Variants in APIP observed in about 807,000 individuals in gnomAD.
APIP encodes APAF1 interacting protein.
Under a neutral mutation model 32.0 loss-of-function variants are expected in APIP, and 32 were observed. That is an observed-to-expected ratio of 1.00 (90% CI 0.76 to 1.34). The LOEUF (loss-of-function observed/expected upper bound fraction) is 1.34. APIP is among the 40% of genes most tolerant of loss of function. APIP has a pLI of 0.00. For missense variants in APIP, 247 were observed against 298.6 expected (o/e 0.83, Z 1.27); for synonymous variants, 92 against 94.8 (o/e 0.97, Z 0.17).
chr11:34,897,113 T>G (rs2133913093), intron 1 of APIP, among the ~76,000 whole-genome samples: 1 of 152,358 alleles, frequency 6.6e-6, no homozygotes, highest in East Asian at 1.9e-4. Flanking sequence ...GCTGAATACT[T>G]GAAATTGTGG....
Position 34,906,986 on chromosome 11 carries a change from C to T in APIP, c.57+9242G>A, listed in dbSNP as rs145767921. 5.2e-3 allele frequency among the ~76,000 whole-genome samples: 793 copies of T among 152,282 alleles called. 6 individuals are homozygous for T. The highest frequency in any genetic ancestry group is 8.8e-3 in the Non-Finnish European group (600 of 68,012). ...TGCTGCAAACCGAACCACACGTGGA[C>T]GTGCCATTCTTCCGAGGACCCTTAG... On this transcript the variant is annotated intron_variant, in intron 1 of 6. Coordinates refer to ENST00000395787, the MANE Select transcript of APIP (RefSeq NM_015957.4).
intron 1 of APIP, among the ~76,000 whole-genome samples, chr11:34,898,838 G>A (rs1264713108): frequency 1.7e-5 from 2 of 116,192 alleles, no homozygotes; most frequent in East Asian, 3.1e-4. Flanking sequence ...TCGCTCTTTC[G>A]CCCAGGCTGG....
At chr11:34,890,612 A>C (rs1207691084) in intron 2 of APIP, 60 bp from the exon 3 acceptor site, 1 of 1,564,446 alleles carries the variant, frequency 6.4e-7, no homozygotes, top group Admixed American at 1.7e-5. Context: ...CACAAAGAAA[A>C]GTTTGCAGTC....
chr11:34,898,064 T>A (rs753043705), intron 1 of APIP, among the ~76,000 whole-genome samples: 5 of 152,144 alleles, frequency 3.3e-5, no homozygotes, highest in Non-Finnish European at 4.4e-5. Flanking sequence ...TTTATCTAAA[T>A]TGGTGCGAGA....
chr11:34,890,455 A>ATAAAAT (rs1267142151), intron 3 of APIP, 49 bp downstream of exon 3: 1 of 1,517,268 alleles, frequency 6.6e-7, no homozygotes, highest in Admixed American at 2.0e-5. Flanking sequence ...TTCATAAAAC[A>ATAAAAT]GTAATTAAGA....
chr11:34,883,605 T>G, intron 5 of APIP, 101 bp from the exon 6 acceptor site: 3 of 1,217,704 alleles, frequency 2.5e-6, no homozygotes, highest in Non-Finnish European at 3.4e-6. Context: ...ACATGCTGTT[T>G]GTGTCTGAAA....
At chr11:34,897,219 A>G (rs1390574311) in intron 1 of APIP, among the ~76,000 whole-genome samples, 1 of 152,214 alleles carries the variant, frequency 6.6e-6, no homozygotes, top group Non-Finnish European at 1.5e-5. Context: ...TAAAATTAAA[A>G]ACTTGAGAAT....
At position 34,882,681 on chromosome 11, in the gene APIP, G is replaced by A. The variant is rs530509160; in HGVS notation, c.*36C>T. 278 of 1,398,876 alleles carry A rather than the reference G, an allele frequency of 2.0e-4. 5 individuals carry two copies. The South Asian group carries it at 3.1e-3, about 16-fold the overall frequency. 86.7% of individuals were successfully genotyped at this position (1,398,876 alleles called of 1,614,324 possible). The stretch of plus-strand genomic sequence containing the variant: ...TTCATTTAAATAATAATTACGTTTA[G>A]CTTTATCTCTGTATATAATTAGACT... On this transcript the variant is annotated 3_prime_UTR_variant, in exon 7 of 7. Transcript: ENST00000395787.
chr11:34,883,227 A>G, intron 6 of APIP, 110 bp downstream of exon 6: 1 of 1,170,900 alleles, frequency 8.5e-7, no homozygotes, highest in Non-Finnish European at 1.2e-6. Context: ...AAAATAAAGT[A>G]TCTACAAATA....
chr11:34,894,174 A>G (rs1853227599), intron 2 of APIP, among the ~76,000 whole-genome samples: 1 of 152,176 alleles, frequency 6.6e-6, no homozygotes, highest in South Asian at 2.1e-4. Flanking sequence ...AATAAATACA[A>G]TGAGCAATTG....
intron 3 of APIP, among the ~76,000 whole-genome samples, chr11:34,889,966 A>C (rs1853158519): frequency 6.6e-6 from 1 of 150,648 alleles, no homozygotes; most frequent in African/African-American, 2.4e-5. Flanking sequence ...AAAAACTACA[A>C]TACAAATGTT....
intron 1 of APIP, among the ~76,000 whole-genome samples, chr11:34,902,436 T>G (rs1026192761): frequency 2.0e-5 from 3 of 152,152 alleles, no homozygotes; most frequent in African/African-American, 7.2e-5. Context: ...GATATAAGGT[T>G]TCAAAATCCA....
chr11:34,892,062 T>G (rs1853194410), intron 2 of APIP, among the ~76,000 whole-genome samples: 1 of 152,196 alleles, frequency 6.6e-6, no homozygotes, highest in South Asian at 2.1e-4. Context: ...CTCTGTTTAT[T>G]CAAGTGACTT....
intron 1 of APIP, chr11:34,915,717 T>A (rs1027566839): frequency 6.2e-6 from 1 of 162,122 alleles, no homozygotes; most frequent in Non-Finnish European, 1.3e-5. Flanking sequence ...CCACAATTCA[T>A]CTAAACGGAG....
intron 1 of APIP, among the ~76,000 whole-genome samples, chr11:34,905,605 T>C (rs1335968867): frequency 6.6e-6 from 1 of 152,098 alleles, no homozygotes; most frequent in African/African-American, 2.4e-5. Context: ...ATCTCAAATA[T>C]TGTAACATCA....
chr11:34,885,297 A>G (rs1853047842), intron 5 of APIP, among the ~76,000 whole-genome samples: 1 of 150,190 alleles, frequency 6.7e-6, no homozygotes, highest in African/African-American at 2.4e-5. Context: ...ATATAAAGGT[A>G]TATATATACA....
intron 2 of APIP, among the ~76,000 whole-genome samples, chr11:34,892,847 G>A (rs1853204098): frequency 6.6e-6 from 1 of 152,038 alleles, no homozygotes; most frequent in African/African-American, 2.4e-5. Flanking sequence ...AAGCATCAAA[G>A]AGCCAAACTT....
intron 1 of APIP, among the ~76,000 whole-genome samples, chr11:34,912,852 G>T (rs376553196): frequency 1.8e-3 from 268 of 152,226 alleles, no homozygotes; most frequent in African/African-American, 5.9e-3. Flanking sequence ...TATTCCATTA[G>T]TTCTGTCCCT....
intron 5 of APIP, among the ~76,000 whole-genome samples, chr11:34,886,708 A>T (rs1853078518): frequency 6.6e-6 from 1 of 151,984 alleles, no homozygotes; most frequent in Non-Finnish European, 1.5e-5. Flanking sequence ...TTTTTACCAA[A>T]CCTTTTCTAT....
Sources: allele counts gnomAD v4.1 joint callset (sites outside exome capture counted in the v4.1 genomes callset), GRCh38; gene constraint gnomAD v4.1.1; transcripts MANE v1.5; gene names NCBI Gene and HGNC (gene_info 2026-07-23, HGNC 2026-07-21).